Variants in KCNH1 observed in about 807,000 individuals in gnomAD.
KCNH1 encodes potassium voltage-gated channel subfamily H member 1.
In KCNH1, 27 loss-of-function variants were observed where a neutral mutation model predicts 69.2. The ratio of observed to expected loss-of-function variants is 0.39; its 90% confidence interval spans 0.29 to 0.54. The LOEUF is 0.54. Among genes scored for constraint, KCNH1 ranks in the 20% least tolerant of loss-of-function variants. The probability of loss-of-function intolerance (pLI) is 0.68; values close to 1 mark genes in which losing one functional copy is unlikely to be tolerated. For synonymous variants in KCNH1, 456 were observed against 487.7 expected (o/e 0.93, Z 0.86); for missense variants, 798 against 1,261.6 (o/e 0.63, Z 5.57).
chr1:211,046,344 C>A (rs969593948), intron 5 of KCNH1, among the ~76,000 whole-genome samples: 1 of 152,108 alleles, frequency 6.6e-6, no homozygotes. Context: ...TGTGTACCTT[C>A]CTTGAAGAAT....
Position 210,859,908 on chromosome 1 carries a change from T to C in KCNH1, c.1463-55742A>G, listed in dbSNP as rs138503640. ...GGTATTTAGTAATAGGTATGCATTATAATGTAAAGCTGCAATTGCAACTTG... is the reference window on the plus strand; with the variant it reads ...GGTATTTAGTAATAGGTATGCATTACAATGTAAAGCTGCAATTGCAACTTG... On this transcript the variant is annotated intron_variant, in intron 7 of 10. Transcript: ENST00000271751. 2.5e-5 allele frequency: 34 copies of C among 1,363,704 alleles called. No individual in the cohort carries two copies. The African/African-American group carries it at 3.7e-4, about 15-fold the overall frequency. The allele number at this position is 1,363,704 out of a possible 1,614,324, so 84.5% of individuals were successfully genotyped here.
chr1:210,885,844 A>G (rs1348217664), intron 7 of KCNH1, among the ~76,000 whole-genome samples: 1 of 152,192 alleles, frequency 6.6e-6, no homozygotes, highest in Non-Finnish European at 1.5e-5. Flanking sequence ...GCCTCTCTAG[A>G]TTCCTCCTCT....
intron 6 of KCNH1, among the ~76,000 whole-genome samples, chr1:210,926,476 A>G (rs1687576614): frequency 6.6e-6 from 1 of 152,188 alleles, no homozygotes; most frequent in Non-Finnish European, 1.5e-5. Flanking sequence ...CAATCCCTGC[A>G]GTTTGGCTCT....
intron 10 of KCNH1, among the ~76,000 whole-genome samples, chr1:210,710,920 A>C (rs1682059026): frequency 6.6e-6 from 1 of 152,208 alleles, no homozygotes; most frequent in Non-Finnish European, 1.5e-5. Flanking sequence ...AAGGGTCATC[A>C]CAAGGCCCAT....
intron 5 of KCNH1, among the ~76,000 whole-genome samples, chr1:211,048,471 G>T (rs1690132833): frequency 6.6e-6 from 1 of 152,056 alleles, no homozygotes; most frequent in Admixed American, 6.6e-5. Flanking sequence ...AGAAAATGTG[G>T]TGTATATACA....
At chr1:210,943,171 A>T (rs998908311) in intron 6 of KCNH1, among the ~76,000 whole-genome samples, 1 of 152,098 alleles carries the variant, frequency 6.6e-6, no homozygotes, top group East Asian at 1.9e-4. Context: ...GTTGATTACA[A>T]TCAGACTTTT....
intron 10 of KCNH1, among the ~76,000 whole-genome samples, chr1:210,768,576 A>G (rs1367455723): frequency 1.3e-5 from 2 of 152,112 alleles, no homozygotes; most frequent in East Asian, 1.9e-4. Context: ...CATCACTACC[A>G]TTTGGGGTAG....
rs1375974971 is a variant in KCNH1 at position 211,018,918 on chromosome 1, G to A, written c.897C>T (p.Asp299=). ...CATCATATGGCAAACAGGACAGAAG[G>A]TCAATCACAAACCACGTCTTCAGGT... The part of the protein sequence containing the change: ...MNYLKTWFVI[D]LLSCLPYDVI... Residue 299 remains aspartate, a synonymous_variant, in exon 6 of 11, where the codon GAC becomes GAT. Transcript: ENST00000271751. The A allele has an allele frequency of 1.9e-6, 3 of 1,614,044 alleles. No individual in the cohort carries two copies. The highest frequency in any genetic ancestry group is 2.5e-6 in the Non-Finnish European group (3 of 1,179,976).
intron 6 of KCNH1, among the ~76,000 whole-genome samples, chr1:210,945,961 C>T (rs1687951152): frequency 1.3e-5 from 2 of 152,204 alleles, no homozygotes; most frequent in Admixed American, 1.3e-4. Flanking sequence ...GTTGATGCCT[C>T]ACACACTAGA....
At chr1:210,950,141 C>G (rs1183100842) in intron 6 of KCNH1, among the ~76,000 whole-genome samples, 4 of 152,162 alleles carry the variant, frequency 2.6e-5, no homozygotes, top group Non-Finnish European at 5.9e-5. Flanking sequence ...CTCCAGAGTG[C>G]CACCTAGTGC....
At chr1:210,754,958 A>C (rs1016891201) in intron 10 of KCNH1, among the ~76,000 whole-genome samples, 4 of 152,098 alleles carry the variant, frequency 2.6e-5, no homozygotes, top group Non-Finnish European at 5.9e-5. Flanking sequence ...AAGCAAGCAA[A>C]CTTCCAGCCA....
chr1:210,996,501 G>T (rs1689043008), intron 6 of KCNH1, among the ~76,000 whole-genome samples: 1 of 152,358 alleles, frequency 6.6e-6, no homozygotes, highest in Admixed American at 6.5e-5. Context: ...CGAACTGGGT[G>T]GAGCCCACCA....
intron 10 of KCNH1, among the ~76,000 whole-genome samples, chr1:210,701,159 G>A (rs951604550): frequency 3.9e-5 from 6 of 151,998 alleles, no homozygotes; most frequent in Admixed American, 3.3e-4. Context: ...GGATGGTCTC[G>A]ATCTCCTGAC....
chr1:211,121,265 C>T (rs1293274351), intron 1 of KCNH1, among the ~76,000 whole-genome samples: 3 of 152,152 alleles, frequency 2.0e-5, no homozygotes, highest in Admixed American at 1.3e-4. Context: ...CATCACACTA[C>T]CTGACTTCAA....
intron 7 of KCNH1, among the ~76,000 whole-genome samples, chr1:210,886,291 G>T (rs752689590): frequency 1.6e-4 from 24 of 152,164 alleles, no homozygotes; most frequent in Non-Finnish European, 3.1e-4. Flanking sequence ...CAGCAGACCC[G>T]CAGCAGAGCA....
chr1:210,739,602 A>G (rs948295363), intron 10 of KCNH1, among the ~76,000 whole-genome samples: 1 of 152,254 alleles, frequency 6.6e-6, no homozygotes, highest in African/African-American at 2.4e-5. Flanking sequence ...ATCATTGAAA[A>G]GAGACTAGCA....
chr1:210,860,970 G>T, intron 7 of KCNH1: 1 of 991,044 alleles, frequency 1.0e-6, no homozygotes, highest in Non-Finnish European at 1.6e-6. Flanking sequence ...CAGCTAAAGA[G>T]CCAATCATGC....
intron 10 of KCNH1, among the ~76,000 whole-genome samples, chr1:210,760,401 A>T (rs1683491892): frequency 1.3e-5 from 2 of 152,218 alleles, no homozygotes; most frequent in Admixed American, 6.5e-5. Flanking sequence ...GGCATTCTTG[A>T]AAAGATAAGC....
At chr1:210,689,007 A>T (rs12127398) in intron 10 of KCNH1, among the ~76,000 whole-genome samples, 49,236 of 152,118 alleles carry the variant, frequency 0.32, 9,582 homozygotes, top group South Asian at 0.51. Context: ...CATGTTGCTC[A>T]GAATGCTGAG....
Sources: gnomAD v4.1 joint callset for allele counts (sites outside exome capture counted in the v4.1 genomes callset) on GRCh38, gnomAD v4.1.1 for gene constraint, MANE v1.5 for transcripts, NCBI Gene and HGNC (gene_info 2026-07-23, HGNC 2026-07-21) for gene names.